The following SEL1L2 variants were observed in gnomAD, a reference collection of about 807,000 sequenced individuals.
SEL1L2 encodes protein sel-1 homolog 2.
In SEL1L2, 89 loss-of-function variants were observed where a neutral mutation model predicts 98.8. The ratio of observed to expected loss-of-function variants is 0.90; its 90% confidence interval spans 0.76 to 1.07. SEL1L2 has a LOEUF of 1.07. Among genes scored for constraint, SEL1L2 ranks in the 50% least tolerant of loss-of-function variants. The pLI, the probability that SEL1L2 is intolerant of heterozygous loss-of-function variation, is 0.00. For missense variants in SEL1L2, 788 were observed against 812.0 expected, an observed-to-expected ratio of 0.97 and a Z score of 0.36; for synonymous variants, 262 against 278.5, an observed-to-expected ratio of 0.94 and a Z score of 0.59.
At chr20:13,934,418 C>CATATATATATTCCAT (rs2049326123) in intron 2 of SEL1L2, among the ~76,000 whole-genome samples, 2 of 9,530 alleles carry the variant, frequency 2.1e-4, no homozygotes, top group Non-Finnish European at 5.4e-4. Flanking sequence ...ATATATATTC[C>CATATATATATTCCAT]ATATATATAT....
At chr20:13,857,807 A>C (rs1989402673) in intron 18 of SEL1L2, among the ~76,000 whole-genome samples, 1 of 152,234 alleles carries the variant, frequency 6.6e-6, no homozygotes, top group Non-Finnish European at 1.5e-5. Flanking sequence ...TGATCTAAAT[A>C]GCAGTCATTC....
intron 5 of SEL1L2, among the ~76,000 whole-genome samples, chr20:13,889,191 G>A (rs2047097893): frequency 6.6e-6 from 1 of 150,482 alleles, no homozygotes; most frequent in African/African-American, 2.4e-5. Context: ...CTGACCAGAT[G>A]GGGTTTCATC....
Position 13,978,139 on chromosome 20 carries a change from C to T in SEL1L2, c.58+12338G>A, listed in dbSNP as rs184544670. ...CTATAATACTCAAAACAGCATGATA[C>T]GGGACTAAAAACAGACACACTGACC... On this transcript the variant is annotated intron_variant, in intron 1 of 19. Transcript: ENST00000284951. Among the ~76,000 whole-genome samples the T allele has an allele frequency of 2.1e-4, 32 of 152,190 alleles. No homozygotes were observed. In the East Asian group the frequency reaches 5.4e-3, roughly 26 times the overall value.
In SEL1L2 at chr20:13,866,846, G is replaced by T; in HGVS notation, c.1260C>A (p.Gly420=). 4 of 1,601,060 alleles carry T rather than the reference G, an allele frequency of 2.5e-6. No individual in the cohort carries two copies. The South Asian group carries it at 4.5e-5, about 18-fold the overall frequency. ...GTTTATAATCCTTCCATATTCCAGA[G>T]CCAGCTGAAAATTAAAATTGTTTTG... ...QFQLGFMYYS[G]SGIWKDYKLA... The change falls in exon 15 of 20, where the codon GGC becomes GGA. Residue 420 remains glycine, a synonymous_variant. Coordinates refer to ENST00000284951, the MANE Select transcript of SEL1L2 (RefSeq NM_025229.2).
Position 13,907,700 on chromosome 20 carries a change from C to CTCTTTCTTTCTTTCTT in SEL1L2, c.549+6066_549+6081dup, listed in dbSNP as rs10665105. Among the ~76,000 whole-genome samples, 507 of 125,642 alleles carry CTCTTTCTTTCTTTCTT rather than the reference C, an allele frequency of 4.0e-3. 3 individuals carry two copies. The highest frequency in any genetic ancestry group is 0.016 in the Middle Eastern group (4 of 248). The allele number at this position is 125,642 out of a possible 152,430, so 82.4% of individuals were successfully genotyped here. On this transcript the variant is annotated intron_variant, in intron 5 of 19. Coordinates refer to ENST00000284951, the MANE Select transcript of SEL1L2 (RefSeq NM_025229.2). Reference sequence around the variant, plus strand: ...TCTTTTTCTCTTTCTTTCTTTCTTTCTCTTTCTTTCTTTCTTTCTTTCTTT... The same window carrying CTCTTTCTTTCTTTCTT: ...TCTTTTTCTCTTTCTTTCTTTCTTTCTCTTTCTTTCTTTCTTTCTTTCTTTCTTTCTTTCTTTCTTT...
At chr20:13,959,703 G>C (rs949724969) in intron 1 of SEL1L2, among the ~76,000 whole-genome samples, 1 of 152,174 alleles carries the variant, frequency 6.6e-6, no homozygotes. Context: ...CTTTCCAAGA[G>C]TTTGTCGAAT....
intron 18 of SEL1L2, 71 bp downstream of exon 18, chr20:13,859,191 A>G: frequency 6.9e-7 from 1 of 1,440,106 alleles, no homozygotes; most frequent in Middle Eastern, 1.8e-4. Context: ...AATGAAATTC[A>G]AAACATTTAC....
chr20:13,880,275 A>C (rs1232670282), intron 10 of SEL1L2, among the ~76,000 whole-genome samples: 1 of 152,202 alleles, frequency 6.6e-6, no homozygotes, highest in Non-Finnish European at 1.5e-5. Context: ...CATTCTGGGA[A>C]ATCAGTGAAA....
intron 1 of SEL1L2, chr20:13,973,189 G>T (rs1380362648): frequency 1.3e-5 from 2 of 152,130 alleles, no homozygotes; most frequent in African/African-American, 4.8e-5. Context: ...TTTGCTATCA[G>T]ATATTTCATT....
chr20:13,975,824 T>C (rs1273629870), intron 1 of SEL1L2, among the ~76,000 whole-genome samples: 1 of 152,136 alleles, frequency 6.6e-6, no homozygotes, highest in East Asian at 1.9e-4. Context: ...CAATGTGCTA[T>C]TAGGAAGGGG....
intron 5 of SEL1L2, among the ~76,000 whole-genome samples, chr20:13,899,524 A>G (rs1196863338): frequency 1.3e-5 from 2 of 152,204 alleles, no homozygotes; most frequent in Non-Finnish European, 2.9e-5. Context: ...ACAGAAATCA[A>G]CAAGAAAGTC....
At chr20:13,890,439 A>C (rs2047156957) in intron 5 of SEL1L2, among the ~76,000 whole-genome samples, 1 of 152,170 alleles carries the variant, frequency 6.6e-6, no homozygotes, top group Admixed American at 6.5e-5. Context: ...AATAACTTAC[A>C]CAAGCCCAGA....
At chr20:13,899,638 G>A (rs2148076443) in intron 5 of SEL1L2, among the ~76,000 whole-genome samples, 1 of 152,202 alleles carries the variant, frequency 6.6e-6, no homozygotes, top group East Asian at 1.9e-4. Context: ...TACAGGGGGT[G>A]CCACCCTCAT....
At chr20:13,985,538 G>C (rs2052121468) in intron 1 of SEL1L2, among the ~76,000 whole-genome samples, 1 of 152,050 alleles carries the variant, frequency 6.6e-6, no homozygotes, top group African/African-American at 2.4e-5. Context: ...AAATGCTTCT[G>C]TTTTATTACC....
intron 5 of SEL1L2, among the ~76,000 whole-genome samples, chr20:13,903,321 T>C (rs550592024): frequency 1.3e-5 from 2 of 152,300 alleles, no homozygotes; most frequent in African/African-American, 4.8e-5. Flanking sequence ...AATATCACTT[T>C]CTCACGGTTC....
chr20:13,875,120 C>G (rs756368900), intron 12 of SEL1L2, among the ~76,000 whole-genome samples: 24 of 152,142 alleles, frequency 1.6e-4, no homozygotes, highest in Non-Finnish European at 3.1e-4. Context: ...GGATGTGCTT[C>G]GAAGTTCACT....
chr20:13,967,892 A>G (rs2051122084), intron 1 of SEL1L2, among the ~76,000 whole-genome samples: 1 of 152,222 alleles, frequency 6.6e-6, no homozygotes, highest in Non-Finnish European at 1.5e-5. Flanking sequence ...TTCCTCTCTT[A>G]ACAGAAATGA....
In SEL1L2 at chr20:13,859,372, C is replaced by T. The variant is rs766878968; in HGVS notation, c.1708G>A (p.Asp570Asn). The T allele has an allele frequency of 9.3e-6, 15 of 1,614,084 alleles. No homozygotes were observed. Among genetic ancestry groups the T allele is most frequent in the Non-Finnish European group, 1.2e-5 (14 of 1,179,984 alleles). The change falls in exon 18 of 20, where the codon GAC (aspartate) becomes AAC (asparagine). Residue 570 changes from aspartate to asparagine, a missense_variant. By Grantham distance (23) the Asp-to-Asn change is conservative. Coordinates refer to ENST00000284951, the MANE Select transcript of SEL1L2 (RefSeq NM_025229.2). ...YHYYGYGTKK[D>N]YQTAATHYSI... is the part of the protein sequence containing the mutation. ...TAGTGTGTGGCTGCTGTTTGATAGT[C>T]TTTCTTAGTCCCATAGCCATAGTAA...
At chr20:13,850,117 C>T in intron 19 of SEL1L2, 74 bp downstream of exon 19, 3 of 1,566,924 alleles carry the variant, frequency 1.9e-6, no homozygotes, top group South Asian at 1.2e-5. Context: ...CCCTGATGGG[C>T]CTTGTCACTT....
Sources: gnomAD v4.1 joint callset for allele counts (sites outside exome capture counted in the v4.1 genomes callset) on GRCh38, gnomAD v4.1.1 for gene constraint, MANE v1.5 for transcripts, NCBI Gene and HGNC (gene_info 2026-07-23, HGNC 2026-07-21) for gene names.